The following ARHGAP15 variants were observed in gnomAD, a reference collection of about 807,000 sequenced individuals.
ARHGAP15 encodes the protein Rho GTPase activating protein 15, also known as rho GTPase-activating protein 15.
Under a neutral mutation model 63.7 loss-of-function variants are expected in ARHGAP15, and 51 were observed. The ratio of observed to expected loss-of-function variants is 0.80; its 90% CI spans 0.64 to 1.01. The LOEUF is 1.01. ARHGAP15 is among the 50% of genes least tolerant of loss of function. The probability of loss-of-function intolerance (pLI) is 0.00; values close to 1 mark genes in which losing one functional copy is unlikely to be tolerated. For missense variants in ARHGAP15, 560 were observed against 564.6 expected (o/e 0.99, Z 0.08); for synonymous variants, 191 against 193.8 (o/e 0.99, Z 0.12).
At chr2:143,761,624 C>T (rs961727230) in intron 13 of ARHGAP15, among the ~76,000 whole-genome samples, 1 of 152,086 alleles carries the variant, frequency 6.6e-6, no homozygotes, top group Admixed American at 6.6e-5. Context: ...TCTTTCAGTT[C>T]GAGTCATTTG....
At position 143,487,499 on chromosome 2, in the gene ARHGAP15, C is replaced by T; in HGVS notation, c.826+4C>T. On this transcript the variant is annotated splice_donor_region_variant and intron_variant, in intron 9 of 13. Transcript: ENST00000295095. ...CAAGAAAAAGGACTTATTAAAGGTA[C>T]AGGTCATTTTATACTTGTACTATAA... The T allele has an allele frequency of 6.2e-7, 1 of 1,611,518 alleles. No individual in the cohort carries two copies. Among genetic ancestry groups the T allele is most frequent in the Non-Finnish European group, 8.5e-7 (1 of 1,179,182 alleles).
intron 6 of ARHGAP15, among the ~76,000 whole-genome samples, chr2:143,350,194 T>G (rs1311541877): frequency 6.6e-6 from 1 of 152,168 alleles, no homozygotes; most frequent in Non-Finnish European, 1.5e-5. Flanking sequence ...CTATTCATGT[T>G]TATAATTAGT....
intron 8 of ARHGAP15, among the ~76,000 whole-genome samples, chr2:143,451,551 T>C (rs1690408126): frequency 6.6e-6 from 1 of 151,852 alleles, no homozygotes; most frequent in Non-Finnish European, 1.5e-5. Flanking sequence ...ATGAAAAAAT[T>C]AGAATTGAAA....
intron 6 of ARHGAP15, among the ~76,000 whole-genome samples, chr2:143,252,149 C>T (rs1247652290): frequency 1.3e-5 from 2 of 152,008 alleles, no homozygotes; most frequent in African/African-American, 2.4e-5. Flanking sequence ...CAGCCTTTTT[C>T]AGTTTCTTCT....
At chr2:143,157,553 G>C (rs1235525845) in intron 2 of ARHGAP15, among the ~76,000 whole-genome samples, 1 of 151,166 alleles carries the variant, frequency 6.6e-6, no homozygotes, top group South Asian at 2.1e-4. Context: ...CCTCGATAAG[G>C]AACAAAAATA....
At chr2:143,463,149 C>A (rs558669853) in intron 8 of ARHGAP15, among the ~76,000 whole-genome samples, 34 of 152,220 alleles carry the variant, frequency 2.2e-4, no homozygotes, top group African/African-American at 7.0e-4. Flanking sequence ...GACAATTATT[C>A]TTCTTCCAGT....
At chr2:143,661,264 A>G (rs994058150) in intron 12 of ARHGAP15, among the ~76,000 whole-genome samples, 1 of 152,212 alleles carries the variant, frequency 6.6e-6, no homozygotes, top group Non-Finnish European at 1.5e-5. Flanking sequence ...TTTGCCACGA[A>G]GATAGCATTT....
At chr2:143,586,984 T>G (rs560601232) in intron 11 of ARHGAP15, among the ~76,000 whole-genome samples, 1 of 152,196 alleles carries the variant, frequency 6.6e-6, no homozygotes, top group East Asian at 1.9e-4. Flanking sequence ...TCTAGAAATT[T>G]CTGTTTCCTC....
At chr2:143,367,632 C>A (rs1323119936) in intron 6 of ARHGAP15, among the ~76,000 whole-genome samples, 1 of 151,846 alleles carries the variant, frequency 6.6e-6, no homozygotes, top group African/African-American at 2.4e-5. Context: ...TTATATATTT[C>A]TTCTTGTAAC....
chr2:143,602,738 T>C (rs1288487924), intron 11 of ARHGAP15, among the ~76,000 whole-genome samples: 1 of 152,110 alleles, frequency 6.6e-6, no homozygotes, highest in African/African-American at 2.4e-5. Flanking sequence ...AAAGAAGCAA[T>C]ATCACTGGAA....
At chr2:143,660,035 G>T (rs1390087556) in intron 12 of ARHGAP15, among the ~76,000 whole-genome samples, 1 of 152,126 alleles carries the variant, frequency 6.6e-6, no homozygotes, top group South Asian at 2.1e-4. Flanking sequence ...CACGTGGTCT[G>T]TGTTCCAAAA....
At chr2:143,646,431 C>T (rs377008752) in intron 12 of ARHGAP15, among the ~76,000 whole-genome samples, 6 of 152,130 alleles carry the variant, frequency 3.9e-5, no homozygotes, top group African/African-American at 1.4e-4. Flanking sequence ...GACTGTCTGA[C>T]GCCTTTATAA....
At chr2:143,661,349 A>G (rs1365114197) in intron 12 of ARHGAP15, among the ~76,000 whole-genome samples, 1 of 152,218 alleles carries the variant, frequency 6.6e-6, no homozygotes, top group African/African-American at 2.4e-5. Context: ...TTAAGTCGAT[A>G]TAACATTGCT....
chr2:143,475,560 TCTGACAACCAA>T (rs1691773619), intron 8 of ARHGAP15, among the ~76,000 whole-genome samples: 1 of 152,230 alleles, frequency 6.6e-6, no homozygotes, highest in Non-Finnish European at 1.5e-5. Flanking sequence ...AGGCTACCAC[TCTGACAACCAA>T]CTGTTCCTCA....
intron 8 of ARHGAP15, among the ~76,000 whole-genome samples, chr2:143,465,575 T>G (rs1691159364): frequency 6.6e-6 from 1 of 152,138 alleles, no homozygotes; most frequent in Non-Finnish European, 1.5e-5. Flanking sequence ...TATTTTAGCA[T>G]AAAGGTAATG....
At chr2:143,538,298 C>G (rs1559036556) in intron 10 of ARHGAP15, among the ~76,000 whole-genome samples, 1 of 152,162 alleles carries the variant, frequency 6.6e-6, no homozygotes, top group African/African-American at 2.4e-5. Context: ...ATGGGGTTTT[C>G]TAGATATACA....
intron 6 of ARHGAP15, among the ~76,000 whole-genome samples, chr2:143,304,414 G>A (rs1002585974): frequency 9.3e-5 from 14 of 150,866 alleles, no homozygotes; most frequent in Non-Finnish European, 4.4e-5. Flanking sequence ...TGAGAACACA[G>A]GGACACAGGA....
chr2:143,741,461 A>T (rs1685960450), intron 13 of ARHGAP15, among the ~76,000 whole-genome samples: 1 of 152,214 alleles, frequency 6.6e-6, no homozygotes, highest in African/African-American at 2.4e-5. Flanking sequence ...GGTTGGAATG[A>T]ATTTTTTTTC....
intron 6 of ARHGAP15, among the ~76,000 whole-genome samples, chr2:143,322,414 A>G (rs1684065024): frequency 6.6e-6 from 1 of 152,220 alleles, no homozygotes; most frequent in African/African-American, 2.4e-5. Context: ...GTAACTCTCT[A>G]GAGCCCACCG....
Sources: allele counts gnomAD v4.1 joint callset (sites outside exome capture counted in the v4.1 genomes callset), GRCh38; gene constraint gnomAD v4.1.1; transcripts MANE v1.5; gene names NCBI Gene and HGNC (gene_info 2026-07-23, HGNC 2026-07-21).